The following KCNQ3 variants were observed in gnomAD, a reference collection of about 807,000 sequenced individuals.
KCNQ3 encodes the protein potassium voltage-gated channel subfamily Q member 3.
In KCNQ3, 30 loss-of-function variants were observed where a neutral mutation model predicts 92.5. That is an observed-to-expected ratio of 0.32 (90% CI 0.24 to 0.44). The LOEUF is 0.44. Ranked by LOEUF, KCNQ3 falls within the 20% of genes least tolerant of loss-of-function variation. The probability of loss-of-function intolerance (pLI) is 1.00; values close to 1 mark genes in which losing one functional copy is unlikely to be tolerated. For synonymous variants in KCNQ3, 450 were observed against 468.8 expected (o/e 0.96, Z 0.52); for missense variants, 913 against 1,140.3 (o/e 0.80, Z 2.87).
Position 132,129,130 on chromosome 8 carries a change from G to A in KCNQ3, c.*132C>T, listed in dbSNP as rs1824764810. The A allele has an allele frequency of 1.9e-6, 2 of 1,079,710 alleles. No homozygotes were observed. Among genetic ancestry groups the A allele is most frequent in the East Asian group, 2.4e-5 (1 of 41,764 alleles). The allele number at this position is 1,079,710 out of a possible 1,614,324, so 66.9% of individuals were successfully genotyped here. ...GAGGCTGTGGGAAGCCCCTGCCTGG[G>A]TGGGGCCACCACGCACACGCATGCA... is the stretch of plus-strand genomic sequence containing the variant. On this transcript the variant is annotated 3_prime_UTR_variant, in exon 15 of 15. Coordinates refer to ENST00000388996, the MANE Select transcript of KCNQ3 (RefSeq NM_004519.4). This position sits in a 1 kb window ranked among gnomAD's most constrained non-coding sequence, Gnocchi z 5.9.
intron 1 of KCNQ3, among the ~76,000 whole-genome samples, chr8:132,365,513 A>T (rs4736577): frequency 0.5 from 76,440 of 152,074 alleles, 22,058 homozygotes; most frequent in African/African-American, 0.8. Context: ...GTGAACTCCC[A>T]GGGTTTTCAG....
At chr8:132,340,041 C>T (rs780031937) in intron 1 of KCNQ3, among the ~76,000 whole-genome samples, 5 of 151,444 alleles carry the variant, frequency 3.3e-5, no homozygotes, top group Non-Finnish European at 5.9e-5. Flanking sequence ...TAGAGAAATG[C>T]AAATCAAAAC....
chr8:132,311,319 G>A (rs1817585376), intron 1 of KCNQ3, among the ~76,000 whole-genome samples: 1 of 152,134 alleles, frequency 6.6e-6, no homozygotes, highest in Non-Finnish European at 1.5e-5. Flanking sequence ...ATTTGCTTTG[G>A]TAGGGCATGA....
At chr8:132,475,916 TA>T (rs1159637611) in intron 1 of KCNQ3, among the ~76,000 whole-genome samples, 1 of 152,162 alleles carries the variant, frequency 6.6e-6, no homozygotes, top group Admixed American at 6.5e-5. Context: ...CCCAGAGGCC[TA>T]GGGGGGAAAA....
At chr8:132,457,538 CCTTTGTCAGT>C (rs1345696642) in intron 1 of KCNQ3, among the ~76,000 whole-genome samples, 1 of 152,160 alleles carries the variant, frequency 6.6e-6, no homozygotes, top group African/African-American at 2.4e-5. Flanking sequence ...CAACACCAAG[CCTTTGTCAGT>C]GACTCCCTTC....
At chr8:132,314,916 AAAC>A (rs1456772142) in intron 1 of KCNQ3, among the ~76,000 whole-genome samples, 2 of 152,246 alleles carry the variant, frequency 1.3e-5, no homozygotes, top group African/African-American at 4.8e-5. Context: ...TGTGATAGAA[AAAC>A]AACAACAACC....
At chr8:132,387,839 A>C (rs1819928003) in intron 1 of KCNQ3, among the ~76,000 whole-genome samples, 1 of 151,964 alleles carries the variant, frequency 6.6e-6, no homozygotes. Context: ...CATCTCTACA[A>C]AAAAAATTTT....
Position 132,186,952 on chromosome 8 carries a change from GAGAC to G in KCNQ3, c.387-775_387-772del, listed in dbSNP as rs1329878986. Among the ~76,000 whole-genome samples the G allele has an allele frequency of 2.4e-3, 287 of 118,612 alleles. 1 individual carries two copies. Among genetic ancestry groups the G allele is most frequent in the African/African-American group, 6.6e-3 (187 of 28,394 alleles). 77.8% of individuals were successfully genotyped at this position (118,612 alleles called of 152,430 possible). ...TGTGTGTGAGAGAGAGAGAGAGAGA[GAGAC>G]AGAGAGAGAGAGAGAGAGAGAGAGA... On this transcript the variant is annotated intron_variant, in intron 1 of 14. Transcript: ENST00000388996.
intron 3 of KCNQ3, among the ~76,000 whole-genome samples, chr8:132,180,854 A>G (rs376606049): frequency 6.9e-4 from 104 of 150,646 alleles, no homozygotes; most frequent in African/African-American, 2.5e-3. Flanking sequence ...AAAAAAACCA[A>G]TGTTGGGGGT....
chr8:132,353,860 G>T (rs995961628), intron 1 of KCNQ3, among the ~76,000 whole-genome samples: 41 of 152,128 alleles, frequency 2.7e-4, no homozygotes, highest in African/African-American at 9.4e-4. Flanking sequence ...TTGGATTTTT[G>T]TAGCAACAAG....
intron 1 of KCNQ3, among the ~76,000 whole-genome samples, chr8:132,398,671 G>A (rs1820256484): frequency 6.6e-6 from 1 of 152,190 alleles, no homozygotes; most frequent in Non-Finnish European, 1.5e-5. Flanking sequence ...CAGAAAGACA[G>A]GCAGAAATTG....
intron 1 of KCNQ3, among the ~76,000 whole-genome samples, chr8:132,250,318 T>C (rs1478374472): frequency 6.6e-6 from 1 of 152,108 alleles, no homozygotes; most frequent in African/African-American, 2.4e-5. Flanking sequence ...CCTGACAACA[T>C]CACTTGAGCC....
intron 1 of KCNQ3, among the ~76,000 whole-genome samples, chr8:132,381,297 C>T (rs193118097): frequency 7.9e-5 from 12 of 152,248 alleles, no homozygotes; most frequent in African/African-American, 2.4e-4. Flanking sequence ...AACACTAGCC[C>T]GAATTGGCAT....
intron 1 of KCNQ3, among the ~76,000 whole-genome samples, chr8:132,380,241 A>C (rs1325019057): frequency 1.3e-5 from 2 of 152,180 alleles, no homozygotes; most frequent in Non-Finnish European, 2.9e-5. Flanking sequence ...GGGCATCAGA[A>C]GAGATGGGTT....
chr8:132,447,906 A>G (rs2130846503), intron 1 of KCNQ3, among the ~76,000 whole-genome samples: 1 of 152,348 alleles, frequency 6.6e-6, no homozygotes, highest in Admixed American at 6.5e-5. Flanking sequence ...CATCACCCCC[A>G]GCGACTTATA....
chr8:132,476,107 T>C (rs574705436), intron 1 of KCNQ3, among the ~76,000 whole-genome samples: 18 of 152,302 alleles, frequency 1.2e-4, no homozygotes, highest in Non-Finnish European at 2.6e-4. Flanking sequence ...GTTGGGCCTG[T>C]GGGTGCACAG....
chr8:132,249,352 G>A (rs926250111), intron 1 of KCNQ3, among the ~76,000 whole-genome samples: 17 of 152,284 alleles, frequency 1.1e-4, no homozygotes, highest in Admixed American at 3.9e-4. Context: ...TTGACAGGGT[G>A]CTGATTGGTG....
intron 1 of KCNQ3, 50 bp downstream of exon 1, chr8:132,480,079 CTCCAGCCCCGACCCCAAG>C: frequency 6.7e-7 from 1 of 1,491,422 alleles, no homozygotes; most frequent in South Asian, 1.2e-5. Context: ...GACTTCTCAG[CTCCAGCCCCGACCCCAAG>C]TCCCCAAGCG....
At chr8:132,211,751 G>T (rs1813861714) in intron 1 of KCNQ3, among the ~76,000 whole-genome samples, 1 of 151,986 alleles carries the variant, frequency 6.6e-6, no homozygotes, top group Admixed American at 6.5e-5. Context: ...AGGCATTTGA[G>T]ACCAGCCTGA....
Sources: gnomAD v4.1 joint callset for allele counts (sites outside exome capture counted in the v4.1 genomes callset) on GRCh38, gnomAD v4.1.1 for gene constraint, Gnocchi (gnomAD v3.1) non-coding constraint, MANE v1.5 for transcripts, NCBI Gene and HGNC (gene_info 2026-07-23, HGNC 2026-07-21) for gene names.